The following SHF variants were observed in gnomAD, a reference collection of about 807,000 sequenced individuals.
SHF encodes the protein SH2 domain-containing adapter protein F.
Under a neutral mutation model 42.4 loss-of-function variants are expected in SHF, and 30 were observed. The observed-to-expected ratio is 0.71, with a 90% CI of 0.53 to 0.96. The LOEUF is 0.96. Ranked by LOEUF, SHF falls within the 40% of genes least tolerant of loss-of-function variation. The probability of loss-of-function intolerance (pLI) is 0.00; values close to 1 mark genes in which losing one functional copy is unlikely to be tolerated. For synonymous variants in SHF, 264 were observed against 269.9 expected (o/e 0.98, Z 0.21); for missense variants, 598 against 634.0 (o/e 0.94, Z 0.61).
At chr15:45,200,720 C>A (rs1429930632) in intron 1 of SHF, 1 of 456,104 alleles carries the variant, frequency 2.2e-6, no homozygotes, top group Non-Finnish European at 4.4e-6. Flanking sequence ...CTTGGGGTTC[C>A]CCTTACCTCG....
At chr15:45,172,428 A>G (rs1433047178) in intron 4 of SHF, 110 bp from the exon 5 acceptor site, 2 of 1,236,262 alleles carry the variant, frequency 1.6e-6, no homozygotes, top group South Asian at 3.2e-5. Flanking sequence ...GAAAGGATCA[A>G]AGGAATGCTC....
upstream of SHF, among the ~76,000 whole-genome samples, chr15:45,188,196 T>C (rs1390470878): frequency 1.3e-5 from 2 of 152,272 alleles, no homozygotes; most frequent in Middle Eastern, 3.4e-3. Context: ...AGGATGCGAC[T>C]ACTGGACTGA....
At position 45,198,700 on chromosome 15, in the gene SHF, G is replaced by T. The variant is rs545098953; in HGVS notation, c.303+72C>A. On this transcript the variant is annotated intron_variant, in intron 2 of 7. Coordinates refer to the SHF transcript ENST00000290894. ...GGCGAGCTACCGGGGACCCGTAGGGGTTGGCTTCTGATTATCCTCTTCAAC... is the reference window on the plus strand; with the variant it reads ...GGCGAGCTACCGGGGACCCGTAGGGTTTGGCTTCTGATTATCCTCTTCAAC... 7.8e-6 allele frequency: 12 copies of T among 1,530,936 alleles called. No individual in the cohort carries two copies. The Admixed American group carries it at 2.1e-4, about 27-fold the overall frequency. The allele number at this position is 1,530,936 out of a possible 1,614,324, so 94.8% of individuals were successfully genotyped here.
chr15:45,187,110 G>A (rs746770977), intron 1 of SHF, among the ~76,000 whole-genome samples: 11 of 152,216 alleles, frequency 7.2e-5, no homozygotes, highest in African/African-American at 2.4e-4. Context: ...TCAACCAGTG[G>A]GGGTTGGGAG....
rs547422546 is a variant in SHF, at chr15:45,200,818, A to G, written c.-138T>C. On this transcript the variant is annotated 5_prime_UTR_variant, in exon 1 of 8. Coordinates refer to the SHF transcript ENST00000290894. ...GCTCCAGTCCCAGCCAAAGTCGTTC[A>G]GATAGCATGATAGTCAGGGCATGGT... The G allele has an allele frequency of 6.6e-6, 3 of 456,316 alleles. No homozygotes were observed. In the Admixed American group the frequency reaches 7.0e-5, roughly 11 times the overall value. 28.3% of individuals were successfully genotyped at this position (456,316 alleles called of 1,614,324 possible). A position where few individuals can be genotyped will look rare whatever the true frequency, so the allele number is the denominator to read the frequency against.
upstream of SHF, among the ~76,000 whole-genome samples, chr15:45,192,198 T>A (rs1898725234): frequency 6.6e-6 from 1 of 151,788 alleles, no homozygotes; most frequent in Non-Finnish European, 1.5e-5. Context: ...TGTCATACAA[T>A]CCTTATTAAA....
In SHF at chr15:45,187,684, G is replaced by A. The variant is rs1461146873; in HGVS notation, c.268C>T (p.Pro90Ser). The A allele has an allele frequency of 7.4e-6, 9 of 1,219,052 alleles. No homozygotes were observed. The highest frequency in any genetic ancestry group is 9.2e-6 in the Non-Finnish European group (9 of 977,692). The allele number at this position is 1,219,052 out of a possible 1,614,324, so 75.5% of individuals were successfully genotyped here. ...CTGTAGGCGGCCAGGATGTCCGGGG[G>A]CGGCGCGGGGGGCGCGGCCGGAGAG... ...APSPAAPPAP[P>S]PDILAAYRLQ... is the part of the protein sequence containing the mutation. Residue 90 changes from proline to serine, a missense_variant, in exon 1 of 7, where the codon CCC (proline) becomes TCC (serine). Pro to Ser is a moderately conservative substitution (Grantham distance 74). This residue lies in a region of SHF where 159 missense variants were observed against 109.3 expected (regional missense o/e 1.45). Coordinates refer to ENST00000690270, the MANE Select transcript of SHF (RefSeq NM_001394037.1).
At chr15:45,191,459 A>AT (rs982533769), upstream of SHF, among the ~76,000 whole-genome samples, 1 of 152,160 alleles carries the variant, frequency 6.6e-6, no homozygotes, top group African/African-American at 2.4e-5. Flanking sequence ...AAGTGCTGGG[A>AT]TTACAGGTGT....
At position 45,187,565 on chromosome 15, in the gene SHF, C is replaced by T. The variant is rs2141422725; in HGVS notation, c.387G>A (p.Pro129=). Reference sequence around the variant, plus strand: ...GTGGGGGAGAGCCGTGGCGCGGGGGCGGCGTGGGTCCGGGGGCGACAGGGG... The same window carrying T: ...GTGGGGGAGAGCCGTGGCGCGGGGGTGGCGTGGGTCCGGGGGCGACAGGGG... The part of the protein sequence containing the change: ...LATPVAPGPT[P]PPRHGSPPHR... The change falls in exon 1 of 7, where the codon CCG becomes CCA. Residue 129 remains proline, a synonymous_variant. Transcript: ENST00000690270. 2 of 1,227,676 alleles carry T rather than the reference C, an allele frequency of 1.6e-6. No individual in the cohort carries two copies. Among genetic ancestry groups the T allele is most frequent in the Non-Finnish European group, 2.0e-6 (2 of 984,556 alleles). The allele number at this position is 1,227,676 out of a possible 1,614,324, so 76.0% of individuals were successfully genotyped here. A position where few individuals can be genotyped will look rare whatever the true frequency, so the allele number is the denominator to read the frequency against.
exon 2 of SHF, chr15:45,198,989 C>G: frequency 6.2e-7 from 1 of 1,612,592 alleles, no homozygotes; most frequent in East Asian, 2.2e-5. Flanking sequence ...TGCCCGTTTC[C>G]TATGCCCCGG....
rs916267793 is a variant in SHF at position 45,187,536 on chromosome 15, C to T, written c.416G>A (p.Arg139His). 13 of 1,229,758 alleles carry T rather than the reference C, an allele frequency of 1.1e-5. No individual in the cohort carries two copies. Among genetic ancestry groups the T allele is most frequent in the Non-Finnish European group, 1.2e-5 (12 of 985,918 alleles). 76.2% of individuals were successfully genotyped at this position (1,229,758 alleles called of 1,614,324 possible). A position where few individuals can be genotyped will look rare whatever the true frequency, so the allele number is the denominator to read the frequency against. ...CCCCGGGGTCTCGACCCGAATAAGG[C>T]GGTGTGGGGGAGAGCCGTGGCGCGG... ...PPPRHGSPPHRLIRVETPGPP... is the reference protein window; with the variant it reads ...PPPRHGSPPHHLIRVETPGPP... Residue 139 changes from arginine to histidine, a missense_variant, in exon 1 of 7, where the codon CGC becomes CAC. Transcript: ENST00000690270.
intron 1 of SHF, among the ~76,000 whole-genome samples, chr15:45,199,311 G>T (rs1235760144): frequency 1.3e-5 from 2 of 152,182 alleles, no homozygotes. Context: ...GACTAAGTCC[G>T]ATTTTAATTA....
chr15:45,199,217 CCCTGACTCCT>C (rs1449715486), intron 1 of SHF: 4 of 984,142 alleles, frequency 4.1e-6, no homozygotes, highest in East Asian at 2.7e-5. Context: ...CCCCTGACAG[CCCTGACTCCT>C]CCTGACTCCT....
intron 1 of SHF, among the ~76,000 whole-genome samples, chr15:45,185,277 G>A (rs78659597): frequency 4.7e-4 from 72 of 152,360 alleles, no homozygotes; most frequent in Non-Finnish European, 6.5e-4. Flanking sequence ...AAAACAGGGA[G>A]AAAGCGGCCA....
chr15:45,193,843 AAG>A (rs1316425612), intron 2 of SHF, among the ~76,000 whole-genome samples: 2 of 151,964 alleles, frequency 1.3e-5, no homozygotes, highest in African/African-American at 2.4e-5. Context: ...AAATGAGTGA[AAG>A]GTCATTCCAA....
Position 45,173,572 on chromosome 15 carries a change from C to T in SHF, c.988+4G>A, listed in dbSNP as rs1181089299. 2.0e-6 allele frequency: 3 copies of T among 1,511,430 alleles called. No individual in the cohort carries two copies. The highest frequency in any genetic ancestry group is 2.7e-6 in the Non-Finnish European group (3 of 1,128,782). 93.6% of individuals were successfully genotyped at this position (1,511,430 alleles called of 1,614,324 possible). Reference sequence around the variant, plus strand: ...ACCCTGGCCAGAAGCCCCCCAGGACCCACCGCTGCTGTCCTCCAGGCTGGG... The same window carrying T: ...ACCCTGGCCAGAAGCCCCCCAGGACTCACCGCTGCTGTCCTCCAGGCTGGG... On this transcript the variant is annotated splice_donor_region_variant and intron_variant, in intron 4 of 6. Coordinates refer to ENST00000690270, the MANE Select transcript of SHF (RefSeq NM_001394037.1).
chr15:45,198,929 G>A lies in SHF; in HGVS notation c.146C>T (p.Thr49Met), dbSNP rs373938427. The A allele has an allele frequency of 6.4e-5, 103 of 1,613,796 alleles. No individual in the cohort carries two copies. In the South Asian group the frequency reaches 8.8e-4, roughly 14 times the overall value. Residue 49 changes from threonine to methionine, a missense_variant, in exon 2 of 8, where the codon ACG becomes ATG. Physicochemically the swap from Thr to Met is moderately conservative, Grantham distance 81. Coordinates refer to the SHF transcript ENST00000290894. ...GCAGTGGGAGTTTAGGGGAGACGGC[G>A]TGAGCATCCAGGAATGGGGCTGGGC...
At position 45,167,420 on chromosome 15, in the gene SHF, C is replaced by G. The variant is rs1897284793; in HGVS notation, c.*527G>C. Reference sequence around the variant, plus strand: ...CACAGTTCCCTCTGCCCGAGCCCCTCCCCTTCTCTCCCCACCCCCCAAAGC... The same window carrying G: ...CACAGTTCCCTCTGCCCGAGCCCCTGCCCTTCTCTCCCCACCCCCCAAAGC... On this transcript the variant is annotated 3_prime_UTR_variant, in exon 7 of 7. Coordinates refer to ENST00000690270, the MANE Select transcript of SHF (RefSeq NM_001394037.1). The G allele has an allele frequency of 6.5e-6, 1 of 152,712 alleles. No individual in the cohort carries two copies. Among genetic ancestry groups the G allele is most frequent in the South Asian group, 2.1e-4 (1 of 4,850 alleles). 9.5% of individuals were successfully genotyped at this position (152,712 alleles called of 1,614,324 possible).
chr15:45,172,233 G>A lies in SHF; in HGVS notation c.1074C>T (p.Asn358=), dbSNP rs1269478783. ...TGCTTAGGGGTTTGGCTGACTTGGGGTTCCCTGCAGAGAGTCGGGGAGGTA... is the reference window on the plus strand; with the variant it reads ...TGCTTAGGGGTTTGGCTGACTTGGGATTCCCTGCAGAGAGTCGGGGAGGTA... ...GRLPPRLSAG[N]PKSAKPLSME... is the part of the protein sequence containing the mutation. Residue 358 remains asparagine (N), a synonymous_variant, in exon 5 of 7, where the codon AAC becomes AAT. Coordinates refer to ENST00000690270, the MANE Select transcript of SHF (RefSeq NM_001394037.1). 6.2e-7 allele frequency: 1 copy of A among 1,613,826 alleles called. No individual in the cohort carries two copies. Among genetic ancestry groups the A allele is most frequent in the Non-Finnish European group, 8.5e-7 (1 of 1,179,770 alleles).
Sources: gnomAD v4.1 joint callset for allele counts (sites outside exome capture counted in the v4.1 genomes callset) on GRCh38, gnomAD v4.1.1 for gene constraint, gnomAD v4.1.1 regional missense constraint, MANE v1.5 for transcripts, NCBI Gene and HGNC (gene_info 2026-07-23, HGNC 2026-07-21) for gene names.